Variants in CACNA2D3 observed in about 807,000 individuals in gnomAD.
CACNA2D3 encodes voltage-dependent calcium channel subunit alpha-2/delta-3.
Under a neutral mutation model 160.6 loss-of-function variants are expected in CACNA2D3, and 60 were observed. The observed-to-expected ratio is 0.37, with a 90% confidence interval of 0.30 to 0.46. The LOEUF is 0.46. CACNA2D3 is among the 20% of genes least tolerant of loss of function. The pLI is 1.00. For missense variants in CACNA2D3, 1,205 were observed against 1,365.0 expected (o/e 0.88, Z 1.85); for synonymous variants, 558 against 492.9 (o/e 1.13, Z -1.75).
chr3:54,498,047 T>G (rs937198457), intron 4 of CACNA2D3, among the ~76,000 whole-genome samples: 6 of 151,642 alleles, frequency 4.0e-5, no homozygotes, highest in Admixed American at 6.6e-5. Context: ...CATATAGTTT[T>G]TTTTTTTTTT....
At position 54,871,650 on chromosome 3, in the gene CACNA2D3, G is replaced by T. The variant is rs575247560; in HGVS notation, c.1710+28G>T. On this transcript the variant is annotated intron_variant, in intron 18 of 37. Transcript: ENST00000474759. ...AAGTGATTTGTTTTCAGGCCTCGTG[G>T]AGAAGGACCTGCATTGTACCCACTT... 105 of 1,542,862 alleles carry T rather than the reference G, an allele frequency of 6.8e-5. 2 individuals are homozygous for T. In the South Asian group the frequency reaches 1.1e-3, roughly 16 times the overall value.
chr3:55,073,986 A>G (rs1188918646), intron 37 of CACNA2D3, 127 bp downstream of exon 37: 1 of 1,080,244 alleles, frequency 9.3e-7, no homozygotes, highest in South Asian at 1.3e-5. Context: ...CAGTAAACTG[A>G]ATCTGCACCA....
chr3:54,528,980 C>T (rs919742882), intron 5 of CACNA2D3, among the ~76,000 whole-genome samples: 1 of 152,146 alleles, frequency 6.6e-6, no homozygotes, highest in Non-Finnish European at 1.5e-5. Flanking sequence ...CTAGAATCAC[C>T]AACCTGATTA....
intron 11 of CACNA2D3, among the ~76,000 whole-genome samples, chr3:54,744,110 C>G (rs886646393): frequency 6.6e-6 from 1 of 152,160 alleles, no homozygotes; most frequent in Admixed American, 6.5e-5. Context: ...TCCACAATGT[C>G]CCTCTATGTA....
chr3:54,821,638 T>G (rs1046368473), intron 14 of CACNA2D3, among the ~76,000 whole-genome samples: 5 of 145,670 alleles, frequency 3.4e-5, no homozygotes, highest in African/African-American at 1.3e-4. Flanking sequence ...TCTAGAGTCT[T>G]TCGTTCTTTC....
intron 2 of CACNA2D3, among the ~76,000 whole-genome samples, chr3:54,237,259 C>T (rs1338265095): frequency 6.6e-6 from 1 of 152,064 alleles, no homozygotes; most frequent in Admixed American, 6.5e-5. Flanking sequence ...AGGAATAGGA[C>T]ATCCAGTGTG....
chr3:54,801,145 C>A (rs1407687573), intron 13 of CACNA2D3, among the ~76,000 whole-genome samples: 2 of 152,020 alleles, frequency 1.3e-5, no homozygotes, highest in East Asian at 3.9e-4. Flanking sequence ...CAGCACCACG[C>A]CTGGCTAATT....
intron 13 of CACNA2D3, among the ~76,000 whole-genome samples, chr3:54,780,210 C>T (rs1702506026): frequency 6.6e-6 from 1 of 152,110 alleles, no homozygotes. Context: ...TTTGTCTTTC[C>T]TTTTGAAAAC....
intron 2 of CACNA2D3, among the ~76,000 whole-genome samples, chr3:54,237,008 CTTT>C (rs74553858): frequency 7.1e-6 from 1 of 140,736 alleles, no homozygotes; most frequent in Non-Finnish European, 1.6e-5. Context: ...CCTGAAACTT[CTTT>C]TTTTTTTTTT....
At chr3:54,449,940 A>G (rs1416954853) in intron 4 of CACNA2D3, among the ~76,000 whole-genome samples, 6 of 152,174 alleles carry the variant, frequency 3.9e-5, no homozygotes, top group Non-Finnish European at 7.3e-5. Context: ...AATCTCTACT[A>G]TTTGTCCCGT....
At chr3:54,697,541 A>G (rs1425628641) in intron 11 of CACNA2D3, among the ~76,000 whole-genome samples, 1 of 152,124 alleles carries the variant, frequency 6.6e-6, no homozygotes, top group African/African-American at 2.4e-5. Context: ...ACTCCCAAGA[A>G]TACATGTTCA....
chr3:54,776,144 C>G (rs1559578211), intron 13 of CACNA2D3, among the ~76,000 whole-genome samples: 1 of 152,220 alleles, frequency 6.6e-6, no homozygotes, highest in Non-Finnish European at 1.5e-5. Context: ...AGATGTCCAT[C>G]ATTTATCCAA....
chr3:54,163,026 A>G (rs925962171), intron 2 of CACNA2D3, among the ~76,000 whole-genome samples: 2 of 152,212 alleles, frequency 1.3e-5, no homozygotes, highest in Non-Finnish European at 2.9e-5. Flanking sequence ...CAAGGTCCAG[A>G]AACAGAAATA....
intron 4 of CACNA2D3, among the ~76,000 whole-genome samples, chr3:54,493,574 A>G (rs1388678579): frequency 6.6e-6 from 1 of 152,082 alleles, no homozygotes; most frequent in Non-Finnish European, 1.5e-5. Flanking sequence ...CCTAGTTACC[A>G]GCTCCTATGC....
At chr3:55,038,790 C>T (rs1233621228) in intron 35 of CACNA2D3, among the ~76,000 whole-genome samples, 3 of 147,780 alleles carry the variant, frequency 2.0e-5, no homozygotes, top group Admixed American at 6.9e-5. Flanking sequence ...AAAAGTCAGT[C>T]GTGGTTCTTG....
chr3:54,793,150 A>G (rs1702796209), intron 13 of CACNA2D3, among the ~76,000 whole-genome samples: 1 of 151,968 alleles, frequency 6.6e-6, no homozygotes, highest in Non-Finnish European at 1.5e-5. Flanking sequence ...GAGATGACAG[A>G]AAATAGAAAA....
intron 11 of CACNA2D3, among the ~76,000 whole-genome samples, chr3:54,692,580 C>T (rs889775109): frequency 6.6e-6 from 1 of 152,154 alleles, no homozygotes; most frequent in Admixed American, 6.5e-5. Context: ...ACCCTCAGGA[C>T]ACTAGCTAGA....
intron 35 of CACNA2D3, among the ~76,000 whole-genome samples, chr3:55,022,219 T>C (rs1371262797): frequency 6.6e-6 from 1 of 152,084 alleles, no homozygotes; most frequent in Non-Finnish European, 1.5e-5. Context: ...GTAATAACCC[T>C]CTTTATACAT....
chr3:54,633,452 A>C (rs1699291238), intron 10 of CACNA2D3: 1 of 152,208 alleles, frequency 6.6e-6, no homozygotes, highest in Admixed American at 6.5e-5. Context: ...TGGCCACGAA[A>C]GTTTAGGCTT....
Sources: allele counts gnomAD v4.1 joint callset (sites outside exome capture counted in the v4.1 genomes callset), GRCh38; gene constraint gnomAD v4.1.1; transcripts MANE v1.5; gene names NCBI Gene and HGNC (gene_info 2026-07-23, HGNC 2026-07-21).